The following ITPRID2 variants were observed in gnomAD, a reference collection of about 807,000 sequenced individuals.
ITPRID2 encodes protein ITPRID2.
Under a neutral mutation model 124.3 loss-of-function variants are expected in ITPRID2, and 60 were observed. That is an observed-to-expected ratio of 0.48 (90% CI 0.39 to 0.60). ITPRID2 has a LOEUF of 0.60. Among genes scored for constraint, ITPRID2 ranks in the 20% least tolerant of loss-of-function variants. The probability of loss-of-function intolerance (pLI) is 0.00; values close to 1 mark genes in which losing one functional copy is unlikely to be tolerated. For synonymous variants in ITPRID2, 521 were observed against 542.9 expected, an observed-to-expected ratio of 0.96 and a Z score of 0.56; for missense variants, 1,553 against 1,512.2, an observed-to-expected ratio of 1.03 and a Z score of -0.45.
At chr2:181,923,647 A>G (rs776326520) in intron 16 of ITPRID2, among the ~76,000 whole-genome samples, 3 of 151,642 alleles carry the variant, frequency 2.0e-5, no homozygotes, top group Non-Finnish European at 2.9e-5. Context: ...TCCACACTAT[A>G]TTTGCTAACT....
rs1430966183 is a variant in ITPRID2 at position 181,915,899 on chromosome 2, T to G, written c.2259T>G (p.Ser753=). Residue 753 remains serine, a synonymous_variant, in exon 11 of 18, where the codon TCT becomes TCG. Transcript: ENST00000431877. Reference sequence around the variant, plus strand: ...TGAGCCCAGTAAGGGTTGTGTCCTCTGTCAATGTTCGATTATCTCCAGGAA... The same window carrying G: ...TGAGCCCAGTAAGGGTTGTGTCCTCGGTCAATGTTCGATTATCTCCAGGAA... The part of the protein sequence containing the change: ...TLLSPVRVVS[S]VNVRLSPGKE... The G allele has an allele frequency of 6.2e-7, 1 of 1,614,124 alleles. No individual in the cohort carries two copies. The highest frequency in any genetic ancestry group is 1.3e-5 in the African/African-American group (1 of 74,924).
chr2:181,909,633 C>T (rs1693442675), intron 8 of ITPRID2, among the ~76,000 whole-genome samples: 1 of 152,126 alleles, frequency 6.6e-6, no homozygotes, highest in Non-Finnish European at 1.5e-5. Context: ...ATGATGGAAG[C>T]TAGTGCACGT....
chr2:181,921,821 A>T, intron 15 of ITPRID2, 127 bp from the exon 16 acceptor site: 1 of 831,590 alleles, frequency 1.2e-6, no homozygotes, highest in Non-Finnish European at 1.8e-6. Context: ...TTATTAAATT[A>T]ATGGAATAGA....
At position 181,902,709 on chromosome 2, in the gene ITPRID2, C is replaced by T. The variant is rs1343075969; in HGVS notation, c.1413+243C>T. 6.6e-6 allele frequency among the ~76,000 whole-genome samples: 1 copy of T among 152,146 alleles called. No homozygotes were observed. Among genetic ancestry groups the T allele is most frequent in the African/African-American group, 2.4e-5 (1 of 41,422 alleles). ...CACTAGTTGATATTTGAACCTTAACCCTCTTTTCTCTCTCAAGGGTAAGAT... is the reference window on the plus strand; with the variant it reads ...CACTAGTTGATATTTGAACCTTAACTCTCTTTTCTCTCTCAAGGGTAAGAT... On this transcript the variant is annotated intron_variant, in intron 8 of 17. Transcript: ENST00000431877. This position sits in a 1 kb window ranked among gnomAD's most constrained non-coding sequence, Gnocchi z 4.4.
Position 181,922,409 on chromosome 2 carries a change from G to C in ITPRID2, c.3672G>C (p.Arg1224=). Residue 1224 remains arginine (R), a synonymous_variant, in exon 16 of 18, where the codon CGG becomes CGC. Coordinates refer to ENST00000431877, the MANE Select transcript of ITPRID2 (RefSeq NM_001130445.3). The part of the protein sequence containing the change: ...VEQDELQQVI[R]EIKESIVGEI... Reference sequence around the variant, plus strand: ...AAGATGAGTTGCAGCAAGTCATACGGGAGGTGGGTAAAATCTGTGTTTCAT... The same window carrying C: ...AAGATGAGTTGCAGCAAGTCATACGCGAGGTGGGTAAAATCTGTGTTTCAT... 1 of 1,604,310 alleles carries C rather than the reference G, an allele frequency of 6.2e-7. No homozygotes were observed. The highest frequency in any genetic ancestry group is 1.1e-5 in the South Asian group (1 of 89,912).
In ITPRID2 at chr2:181,892,074, G is replaced by T. The variant is rs1464572523; in HGVS notation, c.8G>T (p.Arg3Leu). 6.4e-7 allele frequency: 1 copy of T among 1,551,512 alleles called. No individual in the cohort carries two copies. Among genetic ancestry groups the T allele is most frequent in the South Asian group, 1.2e-5 (1 of 84,228 alleles). Residue 3 changes from arginine to leucine, a missense_variant, in exon 1 of 18, where the codon CGG becomes CTG. Arg to Leu is a moderately radical substitution (Grantham distance 102). Transcript: ENST00000431877. This position sits in a 1 kb window ranked among gnomAD's most constrained non-coding sequence, Gnocchi z 5.2. ...GGAGCCCCCAGTGCGGCCATGGACC[G>T]GCCCCTGTCGTCGTCGGCGGAGGCG... MD[R>L]PLSSSAEAEE...
At position 181,919,025 on chromosome 2, in the gene ITPRID2, A is replaced by G; in HGVS notation, c.2993+143A>G. 8.4e-7 allele frequency: 1 copy of G among 1,189,424 alleles called. No individual in the cohort carries two copies. The highest frequency in any genetic ancestry group is 1.2e-6 in the Non-Finnish European group (1 of 867,910). 73.7% of individuals were successfully genotyped at this position (1,189,424 alleles called of 1,614,324 possible). A position where few individuals can be genotyped will look rare whatever the true frequency, so the allele number is the denominator to read the frequency against. On this transcript the variant is annotated intron_variant, in intron 13 of 17. Transcript: ENST00000431877. This position sits in a 1 kb window ranked among gnomAD's most constrained non-coding sequence, Gnocchi z 4.2. ...TGAACCAGTGTAGATAAGATTAGTC[A>G]TAGATAGTGTTTTACTAAGTAAACT...
Position 181,902,438 on chromosome 2 carries a change from A to G in ITPRID2, c.1385A>G (p.Gln462Arg), listed in dbSNP as rs769172926. The change falls in exon 8 of 18, where the codon CAG (glutamine) becomes CGG (arginine). Residue 462 changes from glutamine to arginine, a missense_variant. Coordinates refer to ENST00000431877, the MANE Select transcript of ITPRID2 (RefSeq NM_001130445.3). The surrounding 1 kb of genome is among the most constrained non-coding windows in gnomAD (Gnocchi z 4.4). Reference sequence around the variant, plus strand: ...CCATCCATAAGAAATATAATGACACAGCAGAAGGACTCCTTCGAAATGGAA... The same window carrying G: ...CCATCCATAAGAAATATAATGACACGGCAGAAGGACTCCTTCGAAATGGAA... Reference protein sequence around the residue: ...TIPSIRNIMTQQKDSFEMEEV... With the variant: ...TIPSIRNIMTRQKDSFEMEEV... 2.5e-6 allele frequency: 4 copies of G among 1,588,014 alleles called. No individual in the cohort carries two copies. The highest frequency in any genetic ancestry group is 1.8e-5 in the Admixed American group (1 of 55,500).
chr2:181,923,763 T>C (rs1683926027), intron 16 of ITPRID2, among the ~76,000 whole-genome samples: 1 of 152,174 alleles, frequency 6.6e-6, no homozygotes, highest in South Asian at 2.1e-4. Context: ...TTTATATTGC[T>C]CTTTTAAAAC....
At chr2:181,918,947 A>G (rs1056384323) in intron 13 of ITPRID2, 65 bp downstream of exon 13, 2 of 1,573,430 alleles carry the variant, frequency 1.3e-6, no homozygotes, top group Non-Finnish European at 1.7e-6. Flanking sequence ...CTCAACTTAT[A>G]TTTTTTAAAA....
Position 181,902,044 on chromosome 2 carries a change from G to T in ITPRID2, c.991G>T (p.Val331Leu). Residue 331 changes from valine (V) to leucine (L), a missense_variant, in exon 8 of 18, where the codon GTG (valine) becomes TTG (leucine). Transcript: ENST00000431877. This position sits in a 1 kb window ranked among gnomAD's most constrained non-coding sequence, Gnocchi z 4.4. ...AEKGKILNVS[V>L]IEESGNKNDQ... The stretch of plus-strand genomic sequence containing the variant: ...AAAAGGAAAGATTCTAAATGTTTCA[G>T]TGATTGAAGAAAGTGGCAATAAAAA... 1 of 1,612,796 alleles carries T rather than the reference G, an allele frequency of 6.2e-7. No homozygotes were observed. Among genetic ancestry groups the T allele is most frequent in the Non-Finnish European group, 8.5e-7 (1 of 1,179,658 alleles).
Position 181,891,937 on chromosome 2 carries a change from T to A in ITPRID2, c.-130T>A. On this transcript the variant is annotated 5_prime_UTR_variant, in exon 1 of 18. Coordinates refer to ENST00000431877, the MANE Select transcript of ITPRID2 (RefSeq NM_001130445.3). ...CCCTGTCCCCTCCTCCTCCTCCTCC[T>A]CCTCCGGCGCCCGCTTCAGCTCCCC... 5.4e-6 allele frequency: 2 copies of A among 368,180 alleles called. No homozygotes were observed. The highest frequency in any genetic ancestry group is 9.9e-6 in the Non-Finnish European group (2 of 202,982). 22.8% of individuals were successfully genotyped at this position (368,180 alleles called of 1,614,324 possible). A position where few individuals can be genotyped will look rare whatever the true frequency, so the allele number is the denominator to read the frequency against.
chr2:181,928,300 T>C, intron 17 of ITPRID2, 22 bp downstream of exon 17: 2 of 1,396,730 alleles, frequency 1.4e-6, no homozygotes, highest in South Asian at 1.3e-5. Context: ...TGAGTTTCTT[T>C]GTTGAGCTAA....
At chr2:181,920,539 T>C (rs1694403639) in intron 14 of ITPRID2, 58 bp from the exon 15 acceptor site, 9 of 1,197,656 alleles carry the variant, frequency 7.5e-6, no homozygotes, top group African/African-American at 1.5e-5. Context: ...TAATTATATA[T>C]GCATGTATGT....
chr2:181,903,275 A>G (rs544844604), intron 8 of ITPRID2, among the ~76,000 whole-genome samples: 11 of 152,212 alleles, frequency 7.2e-5, no homozygotes, highest in Non-Finnish European at 1.6e-4. Flanking sequence ...TCTGTGAGGC[A>G]CATGGTAGTG....
In ITPRID2 at chr2:181,891,955, A is replaced by G. The variant is rs966366963; in HGVS notation, c.-112A>G. On this transcript the variant is annotated 5_prime_UTR_variant, in exon 1 of 18. Transcript: ENST00000431877. ...CTCCTCCTCCTCCGGCGCCCGCTTC[A>G]GCTCCCCGGGGCCCCCTGCCCGGCC... The G allele has an allele frequency of 1.2e-6, 1 of 860,502 alleles. No individual in the cohort carries two copies. Among genetic ancestry groups the G allele is most frequent in the East Asian group, 3.5e-5 (1 of 28,282 alleles). The allele number at this position is 860,502 out of a possible 1,614,324, so 53.3% of individuals were successfully genotyped here.
At chr2:181,900,963 T>C in intron 7 of ITPRID2, 59 bp downstream of exon 7, 1 of 1,332,378 alleles carries the variant, frequency 7.5e-7, no homozygotes, top group Non-Finnish European at 1.0e-6. Flanking sequence ...TACAGCAAGA[T>C]GGTCTTATTT....
At position 181,892,285 on chromosome 2, in the gene ITPRID2, C is replaced by G; in HGVS notation, c.211+8C>G. 6.5e-7 allele frequency: 1 copy of G among 1,542,136 alleles called. No homozygotes were observed. Among genetic ancestry groups the G allele is most frequent in the Non-Finnish European group, 8.7e-7 (1 of 1,143,180 alleles). Reference sequence around the variant, plus strand: ...CGGCAGCGGGGGGAAGAGGTCGGTGCTCCCGGCCGGGCTCCGGGGGGAGGC... The same window carrying G: ...CGGCAGCGGGGGGAAGAGGTCGGTGGTCCCGGCCGGGCTCCGGGGGGAGGC... On this transcript the variant is annotated splice_region_variant and intron_variant, in intron 1 of 17. Transcript: ENST00000431877. The surrounding 1 kb of genome is among the most constrained non-coding windows in gnomAD (Gnocchi z 5.2).
chr2:181,909,519 A>G (rs2125085632), intron 8 of ITPRID2, among the ~76,000 whole-genome samples: 1 of 152,200 alleles, frequency 6.6e-6, no homozygotes, highest in South Asian at 2.1e-4. Flanking sequence ...TGAATGAAGC[A>G]GTTATTAAAA....
Sources: gnomAD v4.1 joint callset for allele counts (sites outside exome capture counted in the v4.1 genomes callset) on GRCh38, gnomAD v4.1.1 for gene constraint, Gnocchi (gnomAD v3.1) non-coding constraint, MANE v1.5 for transcripts, NCBI Gene and HGNC (gene_info 2026-07-23, HGNC 2026-07-21) for gene names.